Variants in CWC27 observed in about 807,000 individuals in gnomAD.
CWC27 encodes CWC27 spliceosome associated cyclophilin.
Under a neutral mutation model 63.6 loss-of-function variants are expected in CWC27, and 47 were observed. That is an observed-to-expected ratio of 0.74 (90% CI 0.58 to 0.94). The LOEUF is 0.94. Among genes scored for constraint, CWC27 ranks in the 40% least tolerant of loss-of-function variants. The probability of loss-of-function intolerance (pLI) is 0.00; values close to 1 mark genes in which losing one functional copy is unlikely to be tolerated. For missense variants in CWC27, 495 were observed against 554.3 expected, an observed-to-expected ratio of 0.89 and a Z score of 1.07; for synonymous variants, 175 against 179.8, an observed-to-expected ratio of 0.97 and a Z score of 0.22.
intron 10 of CWC27, among the ~76,000 whole-genome samples, chr5:64,826,427 G>A (rs1331299740): frequency 6.6e-6 from 1 of 151,954 alleles, no homozygotes; most frequent in African/African-American, 2.4e-5. Flanking sequence ...AGTGAATCTT[G>A]GTGTATGTTC....
rs1750089593 is a variant in CWC27 at position 65,018,432 on chromosome 5, C to A, written c.*111C>A. 3.2e-6 allele frequency: 3 copies of A among 924,858 alleles called. No homozygotes were observed. Among genetic ancestry groups the A allele is most frequent in the African/African-American group, 1.7e-5 (1 of 57,714 alleles). The allele number at this position is 924,858 out of a possible 1,614,324, so 57.3% of individuals were successfully genotyped here. On this transcript the variant is annotated 3_prime_UTR_variant, in exon 14 of 14. Coordinates refer to ENST00000381070, the MANE Select transcript of CWC27 (RefSeq NM_005869.4). ...GGGTGTGAAAAGAAGTATTTTTGAA[C>A]CTGTTGTCTGGTTTTGAAAAACAAT... is the stretch of plus-strand genomic sequence containing the variant.
chr5:64,956,008 C>T (rs1748796614), intron 11 of CWC27, among the ~76,000 whole-genome samples: 1 of 152,068 alleles, frequency 6.6e-6, no homozygotes, highest in Admixed American at 6.6e-5. Context: ...GGTGTGTGGG[C>T]ATCAGGAAAC....
intron 11 of CWC27, among the ~76,000 whole-genome samples, chr5:64,968,326 G>A (rs1450459349): frequency 6.6e-6 from 1 of 152,052 alleles, no homozygotes; most frequent in Admixed American, 6.5e-5. Context: ...CAGTATGGCA[G>A]TATCATATAA....
intron 11 of CWC27, among the ~76,000 whole-genome samples, chr5:64,900,525 T>G (rs777746634): frequency 2.0e-5 from 3 of 152,192 alleles, no homozygotes; most frequent in Non-Finnish European, 4.4e-5. Flanking sequence ...TTTGTCCTCT[T>G]AATGGTGTCT....
At chr5:64,976,103 T>C (rs770375453) in intron 12 of CWC27, among the ~76,000 whole-genome samples, 4 of 152,186 alleles carry the variant, frequency 2.6e-5, no homozygotes, top group Non-Finnish European at 5.9e-5. Flanking sequence ...ATAAAATTTT[T>C]AAATAGCATA....
intron 10 of CWC27, among the ~76,000 whole-genome samples, chr5:64,863,008 A>G (rs1379688598): frequency 6.6e-6 from 1 of 152,106 alleles, no homozygotes; most frequent in Non-Finnish European, 1.5e-5. Flanking sequence ...CAAAGTCCCC[A>G]CCTCCAAATA....
At chr5:64,843,450 A>G (rs1745896984) in intron 10 of CWC27, among the ~76,000 whole-genome samples, 1 of 152,210 alleles carries the variant, frequency 6.6e-6, no homozygotes, top group Admixed American at 6.5e-5. Context: ...ACTCACATTG[A>G]GACAGTTTTT....
At chr5:64,905,144 T>A (rs1180905091) in intron 11 of CWC27, among the ~76,000 whole-genome samples, 1 of 136,000 alleles carries the variant, frequency 7.4e-6, no homozygotes, top group African/African-American at 2.9e-5. Flanking sequence ...GAGGTTGCAG[T>A]GAGCCGAGAT....
chr5:64,897,760 T>A (rs954207483), intron 11 of CWC27, among the ~76,000 whole-genome samples: 8 of 151,946 alleles, frequency 5.3e-5, no homozygotes, highest in Non-Finnish European at 1.0e-4. Context: ...ATAAAAAAAA[T>A]TGGACAATCA....
chr5:64,931,622 A>G (rs1322195949), intron 11 of CWC27, among the ~76,000 whole-genome samples: 1 of 151,944 alleles, frequency 6.6e-6, no homozygotes, highest in African/African-American at 2.4e-5. Flanking sequence ...TCCCCTGTAT[A>G]CTTTCCAATT....
At chr5:65,005,761 G>A (rs1477973410) in intron 13 of CWC27, among the ~76,000 whole-genome samples, 1 of 152,116 alleles carries the variant, frequency 6.6e-6, no homozygotes, top group East Asian at 1.9e-4. Flanking sequence ...TAAGTTACTT[G>A]TAATCAGTAA....
intron 13 of CWC27, among the ~76,000 whole-genome samples, chr5:64,984,701 C>G (rs1321548173): frequency 6.6e-6 from 1 of 152,036 alleles, no homozygotes; most frequent in Non-Finnish European, 1.5e-5. Flanking sequence ...ACATCCAAGT[C>G]TTTTTTGGGA....
chr5:64,872,960 A>G (rs1415696170), intron 10 of CWC27, among the ~76,000 whole-genome samples: 1 of 152,162 alleles, frequency 6.6e-6, no homozygotes, highest in African/African-American at 2.4e-5. Context: ...CCAACAACAT[A>G]CTGAGTCACA....
At chr5:64,939,210 C>A (rs1281215345) in intron 11 of CWC27, among the ~76,000 whole-genome samples, 1 of 152,162 alleles carries the variant, frequency 6.6e-6, no homozygotes, top group African/African-American at 2.4e-5. Context: ...GAATTTTCAA[C>A]CTTTTTGTGC....
intron 9 of CWC27, 51 bp downstream of exon 9, chr5:64,801,383 C>T: frequency 8.2e-7 from 1 of 1,219,630 alleles, no homozygotes; most frequent in South Asian, 1.9e-5. Flanking sequence ...ATAGAAAGTA[C>T]AAAATTTTTA....
At chr5:64,983,992 C>T (rs951155156) in intron 13 of CWC27, among the ~76,000 whole-genome samples, 3 of 151,876 alleles carry the variant, frequency 2.0e-5, no homozygotes, top group South Asian at 2.1e-4. Context: ...CCACCACGCC[C>T]GGCTAATTTT....
In CWC27 at chr5:64,829,191, T is replaced by TATGACTCA. The variant is rs139061229; in HGVS notation, c.938+24806_938+24813dup. 6.0e-4 allele frequency among the ~76,000 whole-genome samples: 92 copies of TATGACTCA among 152,330 alleles called. No individual in the cohort carries two copies. The East Asian group carries it at 0.016, about 26-fold the overall frequency. On this transcript the variant is annotated intron_variant, in intron 10 of 13. Coordinates refer to ENST00000381070, the MANE Select transcript of CWC27 (RefSeq NM_005869.4). ...AAAAACAAGCCTAACTTCTACCTTTTATGACTCATGTGTTTTATTCTTTTT... is the reference window on the plus strand; with the variant it reads ...AAAAACAAGCCTAACTTCTACCTTTTATGACTCAATGACTCATGTGTTTTATTCTTTTT...
chr5:64,944,530 G>A (rs991638781), intron 11 of CWC27, among the ~76,000 whole-genome samples: 3 of 152,144 alleles, frequency 2.0e-5, no homozygotes, highest in Admixed American at 2.0e-4. Flanking sequence ...TTTCCAAAGT[G>A]TTTAACATGC....
At chr5:64,855,897 G>A (rs540981771) in intron 10 of CWC27, among the ~76,000 whole-genome samples, 1 of 151,998 alleles carries the variant, frequency 6.6e-6, no homozygotes, top group Admixed American at 6.5e-5. Flanking sequence ...CCTGTTTTAG[G>A]CCTCCAAGAG....
Sources: allele counts gnomAD v4.1 joint callset (sites outside exome capture counted in the v4.1 genomes callset), GRCh38; gene constraint gnomAD v4.1.1; transcripts MANE v1.5; gene names NCBI Gene and HGNC (gene_info 2026-07-23, HGNC 2026-07-21).